The following GABRA3 variants were observed in gnomAD, a reference collection of about 807,000 sequenced individuals.
GABRA3 encodes gamma-aminobutyric acid receptor subunit alpha-3.
Under a neutral mutation model 30.1 loss-of-function variants are expected in GABRA3, and 10 were observed. That is an observed-to-expected ratio of 0.33 (90% CI 0.20 to 0.56). The LOEUF (loss-of-function observed/expected upper bound fraction) is 0.56, where lower values mean the gene tolerates loss of function less well. Among genes scored for constraint, GABRA3 ranks in the 20% least tolerant of loss-of-function variants. The pLI is 0.89. For synonymous variants in GABRA3, 151 were observed against 146.8 expected, an observed-to-expected ratio of 1.03 and a Z score of -0.21; for missense variants, 233 against 392.0, an observed-to-expected ratio of 0.59 and a Z score of 3.42.
intron 1 of GABRA3, among the ~76,000 whole-genome samples, chrX:152,386,069 G>A (rs1361194262): frequency 2.8e-5 from 3 of 107,835 alleles, no homozygotes; most frequent in South Asian, 4.2e-4. Context: ...TTGACTTGGC[G>A]ATGTGGGCTC....
intron 1 of GABRA3, among the ~76,000 whole-genome samples, chrX:152,441,608 C>T (rs991623804): frequency 9.0e-6 from 1 of 111,279 alleles, no homozygotes; most frequent in African/African-American, 3.3e-5. Flanking sequence ...ATATCAAATT[C>T]GTTATAAAGC....
chrX:152,186,874 C>T (rs768453710), intron 9 of GABRA3: 3 of 111,385 alleles, frequency 2.7e-5, no homozygotes, highest in South Asian at 3.8e-4. Context: ...CTGCCCGCTT[C>T]GTGAGCCACC....
chrX:152,242,806 GT>G (rs1938404020), intron 5 of GABRA3, among the ~76,000 whole-genome samples: 1 of 111,910 alleles, frequency 8.9e-6, no homozygotes, highest in Admixed American at 9.5e-5. Flanking sequence ...CAGTATGGAG[GT>G]TCCTCAAAAA....
intron 3 of GABRA3, among the ~76,000 whole-genome samples, chrX:152,287,493 T>C (rs1939318206): frequency 9.0e-6 from 1 of 111,576 alleles, no homozygotes; most frequent in African/African-American, 3.3e-5. Context: ...TTCTCTCTCC[T>C]GTTGCCCTGT....
In GABRA3 at chrX:152,349,893, TCAA is replaced by T. The variant is rs1267414914; in HGVS notation, c.141-4194_141-4192del. Among the ~76,000 whole-genome samples the T allele has an allele frequency of 7.1e-3, 547 of 76,940 alleles. 8 individuals carry two copies. The highest frequency in any genetic ancestry group is 0.027 in the African/African-American group (525 of 19,145). The allele number at this position is 76,940 out of a possible 115,157, so 66.8% of individuals were successfully genotyped here. On this transcript the variant is annotated intron_variant, in intron 2 of 9. Transcript: ENST00000370314. ...CACCCCACTGTCAACATTAGACAGA[TCAA>T]CGAGACAGAAAGTCAACAAGGATAC...
chrX:152,386,447 AC>A (rs1929312870), intron 1 of GABRA3, among the ~76,000 whole-genome samples: 2 of 111,234 alleles, frequency 1.8e-5, no homozygotes, highest in Admixed American at 1.9e-4. Context: ...AAACAAATTT[AC>A]AAGAAAAAAA....
intron 7 of GABRA3, among the ~76,000 whole-genome samples, chrX:152,206,888 C>T (rs1937552415): frequency 9.0e-6 from 1 of 110,742 alleles, no homozygotes; most frequent in South Asian, 3.9e-4. Flanking sequence ...ACAGAACAGC[C>T]CACCCACCCC....
chrX:152,395,867 T>C (rs1323578990), intron 1 of GABRA3, among the ~76,000 whole-genome samples: 1 of 112,014 alleles, frequency 8.9e-6, no homozygotes, highest in Non-Finnish European at 1.9e-5. Flanking sequence ...ATCAGTGATA[T>C]ATGAACAGAG....
chrX:152,373,236 C>G (rs1047313541), intron 1 of GABRA3, among the ~76,000 whole-genome samples: 1 of 111,654 alleles, frequency 9.0e-6, no homozygotes, highest in Non-Finnish European at 1.9e-5. Context: ...AACCCATCAC[C>G]TAAGTATTAA....
Position 152,325,288 on chromosome X carries a change from C to T in GABRA3, c.262+20293G>A, listed in dbSNP as rs994989869. 2.7e-5 allele frequency among the ~76,000 whole-genome samples: 3 copies of T among 111,979 alleles called. No homozygotes were observed. In the Admixed American group the frequency reaches 2.8e-4, roughly 11 times the overall value. On this transcript the variant is annotated intron_variant, in intron 3 of 9. Coordinates refer to ENST00000370314, the MANE Select transcript of GABRA3 (RefSeq NM_000808.4). ...AACAGCTCCAGTCTACAGCTCCCAGCGTGAGCAATGCAGAAGACGAATGAT... is the reference window on the plus strand; with the variant it reads ...AACAGCTCCAGTCTACAGCTCCCAGTGTGAGCAATGCAGAAGACGAATGAT...
At chrX:152,283,719 T>G (rs1939237662) in intron 4 of GABRA3, among the ~76,000 whole-genome samples, 1 of 112,040 alleles carries the variant, frequency 8.9e-6, no homozygotes, top group Admixed American at 9.5e-5. Flanking sequence ...TTTGTGTTAG[T>G]CCAACAGGCG....
intron 5 of GABRA3, among the ~76,000 whole-genome samples, chrX:152,239,615 T>A (rs375256510): frequency 2.2e-5 from 2 of 91,954 alleles, no homozygotes; most frequent in Admixed American, 1.2e-4. Context: ...CCCATTATTA[T>A]TGTGTGGGAG....
At chrX:152,248,619 T>C (rs967135031) in intron 5 of GABRA3, among the ~76,000 whole-genome samples, 2 of 112,273 alleles carry the variant, frequency 1.8e-5, no homozygotes, top group African/African-American at 6.5e-5. Flanking sequence ...TGAACTGTTA[T>C]TCATTTTGGG....
At chrX:152,225,940 C>A (rs1300898262) in intron 5 of GABRA3, among the ~76,000 whole-genome samples, 2 of 111,035 alleles carry the variant, frequency 1.8e-5, no homozygotes, top group African/African-American at 6.6e-5. Flanking sequence ...TAGATAGGCA[C>A]TCCTGCTGAG....
intron 1 of GABRA3, among the ~76,000 whole-genome samples, chrX:152,418,816 A>G (rs1007412964): frequency 2.7e-5 from 3 of 111,935 alleles, no homozygotes; most frequent in African/African-American, 9.7e-5. Context: ...ATTATAAATC[A>G]TGATGCTATA....
intron 1 of GABRA3, among the ~76,000 whole-genome samples, chrX:152,450,745 G>C (rs1161318338): frequency 8.9e-6 from 1 of 112,002 alleles, no homozygotes; most frequent in Non-Finnish European, 1.9e-5. Flanking sequence ...CTGGTGCCTA[G>C]AGCTGTCTGG....
At chrX:152,423,657 T>G (rs1930434374) in intron 1 of GABRA3, among the ~76,000 whole-genome samples, 2 of 111,574 alleles carry the variant, frequency 1.8e-5, no homozygotes, top group South Asian at 7.4e-4. Context: ...CACTTCTCTG[T>G]AACAAAAAAA....
intron 3 of GABRA3, among the ~76,000 whole-genome samples, chrX:152,316,368 G>A (rs770073593): frequency 7.2e-5 from 8 of 111,631 alleles, no homozygotes; most frequent in East Asian, 2.8e-4. Context: ...TATGTTAAAC[G>A]AACAAACCTA....
At chrX:152,439,538 T>G (rs867559103) in intron 1 of GABRA3, among the ~76,000 whole-genome samples, 1 of 111,644 alleles carries the variant, frequency 9.0e-6, no homozygotes, top group Non-Finnish European at 1.9e-5. Flanking sequence ...CTTTGGAGAA[T>G]AGCTTGACAA....
Sources: gnomAD v4.1 joint callset for allele counts (sites outside exome capture counted in the v4.1 genomes callset) on GRCh38, gnomAD v4.1.1 for gene constraint, MANE v1.5 for transcripts, NCBI Gene and HGNC (gene_info 2026-07-23, HGNC 2026-07-21) for gene names.